Variants in SBNO2 observed in about 807,000 individuals in gnomAD.
The protein encoded by SBNO2 is strawberry notch homolog 2.
A neutral mutation model predicts 146.3 loss-of-function variants in SBNO2; 89 were observed. That is an observed-to-expected ratio of 0.61 (90% CI 0.51 to 0.73). SBNO2 has a LOEUF of 0.73. SBNO2 is among the 30% of genes least tolerant of loss of function. The pLI is 0.00. For synonymous variants in SBNO2, 1,147 were observed against 892.6 expected (o/e 1.29, Z -5.08); for missense variants, 2,092 against 2,003.7 (o/e 1.04, Z -0.84).
intron 1 of SBNO2, among the ~76,000 whole-genome samples, chr19:1,166,826 T>C (rs74841824): frequency 1.1e-3 from 165 of 152,082 alleles, no homozygotes; most frequent in African/African-American, 3.7e-3. Flanking sequence ...ATGTGGAGGG[T>C]AGTCTGGCCC....
At chr19:1,161,089 GA>G (rs1313292540) in intron 1 of SBNO2, among the ~76,000 whole-genome samples, 4 of 114,772 alleles carry the variant, frequency 3.5e-5, no homozygotes, top group East Asian at 2.5e-4. Flanking sequence ...CTGAGCACTG[GA>G]GGCTGGAGGT....
At chr19:1,117,672 G>C (rs539199198) in intron 14 of SBNO2, among the ~76,000 whole-genome samples, 173 bp from the exon 15 acceptor site, 16 of 152,368 alleles carry the variant, frequency 1.1e-4, no homozygotes, top group African/African-American at 3.6e-4. Context: ...TACCTGTACG[G>C]CAAAAACCTG....
rs530207728 is a variant in SBNO2, at chr19:1,118,393, G to C, written c.1527+618C>G. Among the ~76,000 whole-genome samples, 3 of 152,276 alleles carry C rather than the reference G, an allele frequency of 2.0e-5. No individual in the cohort carries two copies. In the South Asian group the frequency reaches 6.2e-4, roughly 32 times the overall value. On this transcript the variant is annotated intron_variant, in intron 14 of 31. Transcript: ENST00000361757. ...ATACAGGGCTGTTGGGCGTGAGGGG[G>C]AGAAAACAGGACCTGTCCAAACATG... is the stretch of plus-strand genomic sequence containing the variant.
At chr19:1,135,537 T>C (rs1454378889) in intron 4 of SBNO2, among the ~76,000 whole-genome samples, 1 of 152,164 alleles carries the variant, frequency 6.6e-6, no homozygotes, top group Non-Finnish European at 1.5e-5. Context: ...GTGCGCCGCC[T>C]AGGGACCTGC....
rs200767766 is a variant in SBNO2, at chr19:1,109,578, C to T, written c.3144G>A (p.Leu1048=). 1,495 of 1,593,610 alleles carry T rather than the reference C, an allele frequency of 9.4e-4. 10 individuals carry two copies. The African/African-American group carries it at 0.017, about 18-fold the overall frequency. Residue 1048 remains leucine, a synonymous_variant, in exon 28 of 32, where the codon CTG becomes CTA. Coordinates refer to ENST00000361757, the MANE Select transcript of SBNO2 (RefSeq NM_014963.3). This position sits in a 1 kb window ranked among gnomAD's most constrained non-coding sequence, Gnocchi z 4.2. ...ACTTGGCAAAGGCGTCCTCCCACTT[C>T]AGGCCGCGGTCCACGCTGATCTGCC... ...VFYKISVDRG[L]KWEDAFAKSL...
At chr19:1,154,155 G>C in intron 2 of SBNO2, 29 bp downstream of exon 2, 1 of 1,125,688 alleles carries the variant, frequency 8.9e-7, no homozygotes, top group Non-Finnish European at 1.1e-6. Context: ...GACCCCGTCG[G>C]GTGGGCCGGG....
intron 11 of SBNO2, among the ~76,000 whole-genome samples, chr19:1,120,351 C>T (rs2079886279): frequency 6.6e-6 from 1 of 152,152 alleles, no homozygotes; most frequent in African/African-American, 2.4e-5. Flanking sequence ...GAGGAGGATA[C>T]CTGGAACCTG....
rs111823973 is a variant in SBNO2, at chr19:1,140,115, C to T, written c.279+7194G>A. On this transcript the variant is annotated intron_variant, in intron 4 of 31. Transcript: ENST00000361757. The surrounding 1 kb of genome is among the most constrained non-coding windows in gnomAD (Gnocchi z 4.4). ...GAGATTGAGACCAGCCTGGCTAACA[C>T]GGTGAAACCCCGTGTCCACTAAAAA... 0.04 allele frequency among the ~76,000 whole-genome samples: 6,034 copies of T among 151,956 alleles called. 193 individuals carry two copies. Among genetic ancestry groups the T allele is most frequent in the East Asian group, 0.14 (730 of 5,134 alleles).
chr19:1,121,614 T>C (rs1268579623), intron 11 of SBNO2, among the ~76,000 whole-genome samples: 1 of 152,044 alleles, frequency 6.6e-6, no homozygotes, highest in East Asian at 1.9e-4. Context: ...CTAACTGTCC[T>C]GGGTCTCCTG....
chr19:1,129,545 C>T (rs1186025475), intron 4 of SBNO2, among the ~76,000 whole-genome samples: 1 of 152,166 alleles, frequency 6.6e-6, no homozygotes, highest in Non-Finnish European at 1.5e-5. Flanking sequence ...CCTCCCAGAG[C>T]CTCTGGAGGC....
chr19:1,161,007 C>A (rs1309721020), intron 1 of SBNO2, among the ~76,000 whole-genome samples: 3 of 143,964 alleles, frequency 2.1e-5, no homozygotes, highest in African/African-American at 7.9e-5. Flanking sequence ...AGGTGCTTCC[C>A]AGAAAGCTCA....
intron 14 of SBNO2, 40 bp downstream of exon 14, chr19:1,118,971 G>T: frequency 6.5e-7 from 1 of 1,547,686 alleles, no homozygotes; most frequent in African/African-American, 1.3e-5. Flanking sequence ...TTTCACCCGG[G>T]AAACGCACAG....
chr19:1,170,374 C>T (rs1415959892), intron 1 of SBNO2, among the ~76,000 whole-genome samples: 1 of 152,150 alleles, frequency 6.6e-6, no homozygotes, highest in East Asian at 1.9e-4. Context: ...GTGCAGGTGC[C>T]GGCCAACCTC....
In SBNO2 at chr19:1,108,531, G is replaced by A. The variant is rs1255156076; in HGVS notation, c.3790C>T (p.Pro1264Ser). ...GGGGGCGGCGGGAAGGCCTCGGCCG[G>A]GGGGCTGTAGGTGAGGTCCAGCACC... Reference protein sequence around the residue: ...GEVLDLTYSPPAEAFPPPPHF... With the variant: ...GEVLDLTYSPSAEAFPPPPHF... The change falls in exon 32 of 32, where the codon CCG becomes TCG. Residue 1264 changes from proline to serine, a missense_variant. By Grantham distance (74) the Pro-to-Ser change is moderately conservative. Transcript: ENST00000361757. 3.5e-5 allele frequency: 43 copies of A among 1,220,716 alleles called. No individual in the cohort carries two copies. The highest frequency in any genetic ancestry group is 7.9e-5 in the East Asian group (2 of 25,422). 75.6% of individuals were successfully genotyped at this position (1,220,716 alleles called of 1,614,324 possible). A position where few individuals can be genotyped will look rare whatever the true frequency, so the allele number is the denominator to read the frequency against.
rs2079733467 is a variant in SBNO2 at position 1,109,829 on chromosome 19, G to A, written c.3029-52C>T. 1 of 1,391,340 alleles carries A rather than the reference G, an allele frequency of 7.2e-7. No homozygotes were observed. The highest frequency in any genetic ancestry group is 9.9e-7 in the Non-Finnish European group (1 of 1,005,700). The allele number at this position is 1,391,340 out of a possible 1,614,324, so 86.2% of individuals were successfully genotyped here. A position where few individuals can be genotyped will look rare whatever the true frequency, so the allele number is the denominator to read the frequency against. On this transcript the variant is annotated intron_variant, in intron 26 of 31. Transcript: ENST00000361757. This position sits in a 1 kb window ranked among gnomAD's most constrained non-coding sequence, Gnocchi z 4.2. ...GTGTCCAGGCCTGGGACTGTGGGCT[G>A]GGGCCAGGGTCAGTCCCGTAGCCGG...
chr19:1,147,787 A>T (rs2080207730), intron 3 of SBNO2, among the ~76,000 whole-genome samples: 2 of 151,892 alleles, frequency 1.3e-5, no homozygotes. Context: ...CCCCACACAC[A>T]GGCCCCTTGA....
rs765015509 is a variant in SBNO2 at position 1,109,692 on chromosome 19, G to A, written c.3114C>T (p.Val1038=). 6.2e-7 allele frequency: 1 copy of A among 1,607,734 alleles called. No individual in the cohort carries two copies. The highest frequency in any genetic ancestry group is 8.5e-7 in the Non-Finnish European group (1 of 1,176,580). ...APGHPQDGQV[V]FYKISVDRGL... is the part of the protein sequence containing the mutation. ...GGGGCTTCCTGCTGACCTTGTAGAA[G>A]ACCACCTGCCCGTCCTGCGGGTGCC... The change falls in exon 27 of 32, where the codon GTC becomes GTT. Residue 1038 remains valine, a synonymous_variant. Coordinates refer to ENST00000361757, the MANE Select transcript of SBNO2 (RefSeq NM_014963.3). The surrounding 1 kb of genome is among the most constrained non-coding windows in gnomAD (Gnocchi z 4.2).
chr19:1,123,921 T>C (rs1441042230), intron 6 of SBNO2, 21 bp downstream of exon 6: 1 of 1,606,450 alleles, frequency 6.2e-7, no homozygotes, highest in African/African-American at 1.3e-5. Context: ...GGGAGGGAGC[T>C]CTCGGCTGGG....
In SBNO2 at chr19:1,162,321, G is replaced by A. The variant is rs367974970; in HGVS notation, c.-126-7919C>T. Among the ~76,000 whole-genome samples, 65 of 148,636 alleles carry A rather than the reference G, an allele frequency of 4.4e-4. No individual in the cohort carries two copies. The East Asian group carries it at 0.012, about 27-fold the overall frequency. Reference sequence around the variant, plus strand: ...AAAAAATACAAAAAATTATCCAGGCGTGGTGGCGGGTGCCTGTAGTCCCAG... The same window carrying A: ...AAAAAATACAAAAAATTATCCAGGCATGGTGGCGGGTGCCTGTAGTCCCAG... On this transcript the variant is annotated intron_variant, in intron 1 of 31. Coordinates refer to ENST00000361757, the MANE Select transcript of SBNO2 (RefSeq NM_014963.3).
Sources: allele counts gnomAD v4.1 joint callset (sites outside exome capture counted in the v4.1 genomes callset), GRCh38; gene constraint gnomAD v4.1.1; non-coding constraint Gnocchi (gnomAD v3.1); transcripts MANE v1.5; gene names NCBI Gene and HGNC (gene_info 2026-07-23, HGNC 2026-07-21).